The following PRDM16 variants were observed in gnomAD, a reference collection of about 807,000 sequenced individuals.
PRDM16 encodes the protein histone-lysine N-methyltransferase PRDM16.
PRDM16 carries 23 observed loss-of-function variants against 110.6 expected under a neutral mutation model. The ratio of observed to expected loss-of-function variants is 0.21; its 90% CI spans 0.15 to 0.29. PRDM16 has a LOEUF of 0.29. Ranked by LOEUF, PRDM16 falls within the 10% of genes least tolerant of loss-of-function variation. The pLI, the probability that PRDM16 is intolerant of heterozygous loss-of-function variation, is 1.00. For synonymous variants in PRDM16, 799 were observed against 781.8 expected, an observed-to-expected ratio of 1.02 and a Z score of -0.37; for missense variants, 1,615 against 1,794.3, an observed-to-expected ratio of 0.90 and a Z score of 1.81.
rs1361096996 is a variant in PRDM16 at position 3,209,978 on chromosome 1, G to A, written c.387+23504G>A. Among the ~76,000 whole-genome samples the A allele has an allele frequency of 6.6e-6, 1 of 152,194 alleles. No individual in the cohort carries two copies. The highest frequency in any genetic ancestry group is 1.5e-5 in the Non-Finnish European group (1 of 68,044). On this transcript the variant is annotated intron_variant, in intron 2 of 16. Transcript: ENST00000270722. This position sits in a 1 kb window ranked among gnomAD's most constrained non-coding sequence, Gnocchi z 4.6. ...ATCGTAGCATTTTCTAGAGACATTT[G>A]CAGGAAGGTATTTGACACATTAAAG... is the stretch of plus-strand genomic sequence containing the variant.
rs926502190 is a variant in PRDM16, at chr1:3,376,733, C to T, written c.439-8419C>T. 7.9e-5 allele frequency among the ~76,000 whole-genome samples: 12 copies of T among 152,010 alleles called. No homozygotes were observed. The East Asian group carries it at 1.7e-3, about 22-fold the overall frequency. ...TCTCTCTCTCTCCCCTCACTCTTCCCCCACCCCAACCCTCCCATCCTCCTT... is the reference window on the plus strand; with the variant it reads ...TCTCTCTCTCTCCCCTCACTCTTCCTCCACCCCAACCCTCCCATCCTCCTT... On this transcript the variant is annotated intron_variant, in intron 3 of 16. Transcript: ENST00000270722.
chr1:3,342,305 G>A (rs1368109623), intron 3 of PRDM16, among the ~76,000 whole-genome samples: 1 of 152,218 alleles, frequency 6.6e-6, no homozygotes, highest in Non-Finnish European at 1.5e-5. Context: ...TCCAGGGGAG[G>A]AAAATTAACA....
Position 3,143,996 on chromosome 1 carries a change from G to A in PRDM16, c.38-42129G>A, listed in dbSNP as rs1569674764. 6.6e-6 allele frequency among the ~76,000 whole-genome samples: 1 copy of A among 152,334 alleles called. No individual in the cohort carries two copies. Among genetic ancestry groups the A allele is most frequent in the South Asian group, 2.1e-4 (1 of 4,818 alleles). On this transcript the variant is annotated intron_variant, in intron 1 of 16. Transcript: ENST00000270722. The surrounding 1 kb of genome is among the most constrained non-coding windows in gnomAD (Gnocchi z 4.5). The stretch of plus-strand genomic sequence containing the variant: ...TGCTAAGGGGTCCTCTTTGCCGCCT[G>A]TGAAGACAGCTGCGTGGCCACCTGG...
At chr1:3,177,084 C>A (rs1314186344) in intron 1 of PRDM16, among the ~76,000 whole-genome samples, 2 of 152,162 alleles carry the variant, frequency 1.3e-5, no homozygotes, top group Non-Finnish European at 2.9e-5. Context: ...TACACTTATC[C>A]ATTCATCCAC....
intron 2 of PRDM16, among the ~76,000 whole-genome samples, chr1:3,194,097 C>T (rs77189998): frequency 0.022 from 3,351 of 152,326 alleles, 140 homozygotes; most frequent in African/African-American, 0.077. Context: ...ATGTCCTGTC[C>T]GGCACCTGCA....
At chr1:3,412,865 CAG>C (rs1643717298) in intron 9 of PRDM16, 65 bp downstream of exon 9, 2 of 1,304,922 alleles carry the variant, frequency 1.5e-6, no homozygotes, top group African/African-American at 3.1e-5. Context: ...TGGGCGGGCT[CAG>C]TGCATGGTGG....
chr1:3,221,772 CGT>C (rs1319357866), intron 2 of PRDM16, among the ~76,000 whole-genome samples: 1 of 152,216 alleles, frequency 6.6e-6, no homozygotes, highest in African/African-American at 2.4e-5. Flanking sequence ...GACATGCATG[CGT>C]GTCTAGGCAC....
At chr1:3,122,945 G>A (rs1187166760) in intron 1 of PRDM16, among the ~76,000 whole-genome samples, 3 of 152,224 alleles carry the variant, frequency 2.0e-5, no homozygotes, top group Non-Finnish European at 2.9e-5. Flanking sequence ...ACGGGAGCCC[G>A]AGGCCTGGGG....
intron 1 of PRDM16, among the ~76,000 whole-genome samples, chr1:3,178,156 C>T (rs1167742923): frequency 1.3e-5 from 2 of 152,122 alleles, no homozygotes; most frequent in Non-Finnish European, 2.9e-5. Context: ...ATGAGGAGCA[C>T]GTGGCAATAA....
At chr1:3,078,180 C>T (rs1364731787) in intron 1 of PRDM16, among the ~76,000 whole-genome samples, 3 of 152,190 alleles carry the variant, frequency 2.0e-5, no homozygotes, top group Non-Finnish European at 4.4e-5. Context: ...CTGTGTCAAT[C>T]ATGGTGTGGT....
intron 2 of PRDM16, among the ~76,000 whole-genome samples, chr1:3,191,135 C>T (rs1256195772): frequency 1.3e-5 from 2 of 152,366 alleles, no homozygotes; most frequent in South Asian, 2.1e-4. Flanking sequence ...GTAATCAGAA[C>T]GCTGATGAGT....
At chr1:3,403,046 T>C in intron 6 of PRDM16, 48 bp downstream of exon 6, 1 of 790,398 alleles carries the variant, frequency 1.3e-6, no homozygotes, top group South Asian at 4.0e-5. Flanking sequence ...TACCCTCCTC[T>C]GAGTCTTCCT....
chr1:3,125,823 G>A (rs527638830), intron 1 of PRDM16, among the ~76,000 whole-genome samples: 45 of 152,326 alleles, frequency 3.0e-4, no homozygotes, highest in African/African-American at 1.1e-3. Context: ...CAAGGGTGCA[G>A]GTCCCTGCAC....
At chr1:3,103,436 C>T (rs1166092229) in intron 1 of PRDM16, among the ~76,000 whole-genome samples, 4 of 152,250 alleles carry the variant, frequency 2.6e-5, no homozygotes, top group African/African-American at 9.6e-5. Flanking sequence ...ATTCTGAGCT[C>T]CTGGGGTTAG....
chr1:3,270,430 C>T (rs1640418022), intron 3 of PRDM16, among the ~76,000 whole-genome samples: 1 of 148,498 alleles, frequency 6.7e-6, no homozygotes, highest in African/African-American at 2.5e-5. Flanking sequence ...GGAGGACAGT[C>T]CCAGAGGAGC....
chr1:3,396,644 G>T, intron 5 of PRDM16, 51 bp downstream of exon 5: 2 of 748,606 alleles, frequency 2.7e-6, no homozygotes, highest in Non-Finnish European at 2.2e-6. Context: ...CCCCCAGCCA[G>T]CCCGGAAGAG....
intron 1 of PRDM16, among the ~76,000 whole-genome samples, chr1:3,114,797 G>C (rs993264381): frequency 3.9e-5 from 6 of 152,256 alleles, no homozygotes; most frequent in Admixed American, 1.3e-4. Flanking sequence ...ACCACTCCCA[G>C]CCCTGCCCAG....
intron 1 of PRDM16, among the ~76,000 whole-genome samples, chr1:3,121,268 G>A (rs754234846): frequency 1.8e-4 from 28 of 152,206 alleles, no homozygotes; most frequent in East Asian, 1.3e-3. Flanking sequence ...CCGGGGCTGC[G>A]GTGCCTCCGG....
At chr1:3,115,790 G>T (rs528028313) in intron 1 of PRDM16, among the ~76,000 whole-genome samples, 38 of 152,346 alleles carry the variant, frequency 2.5e-4, no homozygotes, top group African/African-American at 7.2e-4. Context: ...TCGGGCCGCT[G>T]GTGCCCAATG....
Sources: gnomAD v4.1 joint callset for allele counts (sites outside exome capture counted in the v4.1 genomes callset) on GRCh38, gnomAD v4.1.1 for gene constraint, Gnocchi (gnomAD v3.1) non-coding constraint, MANE v1.5 for transcripts, NCBI Gene and HGNC (gene_info 2026-07-23, HGNC 2026-07-21) for gene names.